LRRTM4: variants seen among roughly 807,000 people sequenced by gnomAD.
LRRTM4 encodes leucine rich repeat transmembrane neuronal 4.
LRRTM4 carries 25 observed loss-of-function variants against 47.6 expected under a neutral mutation model. The ratio of observed to expected loss-of-function variants is 0.53; its 90% confidence interval spans 0.38 to 0.73. LRRTM4 has a LOEUF of 0.73. Among genes scored for constraint, LRRTM4 ranks in the 30% least tolerant of loss-of-function variants. The pLI is 0.00. For synonymous variants in LRRTM4, 311 were observed against 269.5 expected (o/e 1.15, Z -1.51); for missense variants, 638 against 713.4 (o/e 0.89, Z 1.20).
At chr2:76,763,584 A>T (rs1170253600) in intron 3 of LRRTM4, among the ~76,000 whole-genome samples, 2 of 152,336 alleles carry the variant, frequency 1.3e-5, no homozygotes, top group Admixed American at 1.3e-4. Flanking sequence ...TAGCCTATGC[A>T]GATGAGTTAG....
chr2:77,002,359 T>A (rs1677463783), intron 3 of LRRTM4, among the ~76,000 whole-genome samples: 1 of 152,154 alleles, frequency 6.6e-6, no homozygotes, highest in African/African-American at 2.4e-5. Context: ...ATGTGGTAGA[T>A]GCCCAATTCT....
chr2:76,836,068 A>T (rs1270331848), intron 3 of LRRTM4, among the ~76,000 whole-genome samples: 4 of 151,950 alleles, frequency 2.6e-5, no homozygotes, highest in Non-Finnish European at 5.9e-5. Flanking sequence ...AAGTCAAAAT[A>T]ATCAGAATAC....
intron 3 of LRRTM4, among the ~76,000 whole-genome samples, chr2:77,467,814 A>C (rs2103985705): frequency 6.6e-6 from 1 of 152,340 alleles, no homozygotes; most frequent in African/African-American, 2.4e-5. Context: ...CAAGATCTTT[A>C]GAGAAGAAAC....
chr2:77,260,095 T>A (rs1675878000), intron 3 of LRRTM4, among the ~76,000 whole-genome samples: 2 of 152,078 alleles, frequency 1.3e-5, no homozygotes, highest in African/African-American at 4.8e-5. Flanking sequence ...ACTAGCAAGA[T>A]ACAATTCTGT....
intron 3 of LRRTM4, among the ~76,000 whole-genome samples, chr2:77,181,004 A>G (rs1440755614): frequency 2.0e-5 from 3 of 152,206 alleles, no homozygotes; most frequent in African/African-American, 7.2e-5. Flanking sequence ...TAAAAGATTT[A>G]GAAAAATAAA....
At chr2:77,227,922 A>G (rs1263138747) in intron 3 of LRRTM4, among the ~76,000 whole-genome samples, 1 of 152,090 alleles carries the variant, frequency 6.6e-6, no homozygotes, top group East Asian at 1.9e-4. Context: ...GAGATATCAT[A>G]AGACTAGTTT....
chr2:77,084,458 G>A (rs1275700311), intron 3 of LRRTM4, among the ~76,000 whole-genome samples: 1 of 152,188 alleles, frequency 6.6e-6, no homozygotes, highest in East Asian at 1.9e-4. Context: ...TGTTTACCAT[G>A]TTGTGTTCTT....
intron 3 of LRRTM4, among the ~76,000 whole-genome samples, chr2:77,335,962 A>C (rs1307165248): frequency 6.6e-6 from 1 of 152,094 alleles, no homozygotes; most frequent in African/African-American, 2.4e-5. Flanking sequence ...ACACAATACA[A>C]AAATGAATGG....
intron 3 of LRRTM4, among the ~76,000 whole-genome samples, chr2:77,435,771 A>C (rs1184876707): frequency 6.6e-6 from 1 of 152,214 alleles, no homozygotes. Flanking sequence ...AAAGCTGGAC[A>C]ACTAGGTCCT....
At chr2:77,443,322 G>A (rs569859328) in intron 3 of LRRTM4, among the ~76,000 whole-genome samples, 1 of 152,170 alleles carries the variant, frequency 6.6e-6, no homozygotes, top group African/African-American at 2.4e-5. Flanking sequence ...ATGTCAGATC[G>A]GATGCATATT....
chr2:77,220,249 A>G (rs1674580044), intron 3 of LRRTM4, among the ~76,000 whole-genome samples: 1 of 152,170 alleles, frequency 6.6e-6, no homozygotes, highest in African/African-American at 2.4e-5. Flanking sequence ...AACCACAAAG[A>G]TGGGGAAAAA....
intron 3 of LRRTM4, among the ~76,000 whole-genome samples, chr2:77,006,452 A>G (rs557623979): frequency 6.6e-6 from 1 of 152,166 alleles, no homozygotes; most frequent in East Asian, 1.9e-4. Flanking sequence ...CTTCCAGAAA[A>G]TTTTATTTTG....
chr2:77,202,483 C>T lies in LRRTM4; in HGVS notation c.1551+315835G>A, dbSNP rs116190315. Reference sequence around the variant, plus strand: ...CGTATATGTCTATAAATGTCCACGGCTTTCAGTTACTTCTTTGGAAGTGAT... The same window carrying T: ...CGTATATGTCTATAAATGTCCACGGTTTTCAGTTACTTCTTTGGAAGTGAT... On this transcript the variant is annotated intron_variant, in intron 3 of 3. Coordinates refer to ENST00000409884, the MANE Select transcript of LRRTM4 (RefSeq NM_001134745.3). 4.1e-3 allele frequency among the ~76,000 whole-genome samples: 625 copies of T among 152,122 alleles called. 2 individuals are homozygous for T. The highest frequency in any genetic ancestry group is 0.01 in the Middle Eastern group (3 of 294).
chr2:77,095,101 C>T (rs2103897269), intron 3 of LRRTM4, among the ~76,000 whole-genome samples: 1 of 152,180 alleles, frequency 6.6e-6, no homozygotes, highest in South Asian at 2.1e-4. Flanking sequence ...TAAAAGTGAG[C>T]AAAGGATCTG....
At chr2:76,833,281 C>A (rs1396932436) in intron 3 of LRRTM4, among the ~76,000 whole-genome samples, 1 of 152,038 alleles carries the variant, frequency 6.6e-6, no homozygotes, top group African/African-American at 2.4e-5. Flanking sequence ...GTGACTTATC[C>A]ATCTATATCC....
chr2:77,279,645 T>C (rs1026674171), intron 3 of LRRTM4, among the ~76,000 whole-genome samples: 2 of 151,972 alleles, frequency 1.3e-5, no homozygotes, highest in Admixed American at 6.6e-5. Flanking sequence ...AATGAAACCC[T>C]TCAGTCTATT....
chr2:76,829,958 A>G (rs1033033475), intron 3 of LRRTM4, among the ~76,000 whole-genome samples: 2 of 152,050 alleles, frequency 1.3e-5, no homozygotes, highest in African/African-American at 4.8e-5. Context: ...CTTTGGCAGT[A>G]TTCCACAACA....
At chr2:77,452,302 A>G (rs954137347) in intron 3 of LRRTM4, among the ~76,000 whole-genome samples, 3 of 152,158 alleles carry the variant, frequency 2.0e-5, no homozygotes, top group African/African-American at 4.8e-5. Flanking sequence ...AAGTTGACAA[A>G]CTCAGCATAT....
At chr2:76,881,716 A>C (rs1672935521) in intron 3 of LRRTM4, among the ~76,000 whole-genome samples, 1 of 152,090 alleles carries the variant, frequency 6.6e-6, no homozygotes, top group African/African-American at 2.4e-5. Context: ...AAAAAGTACC[A>C]AACTCTTCCT....
Sources: gnomAD v4.1 joint callset for allele counts (sites outside exome capture counted in the v4.1 genomes callset) on GRCh38, gnomAD v4.1.1 for gene constraint, MANE v1.5 for transcripts, NCBI Gene and HGNC (gene_info 2026-07-23, HGNC 2026-07-21) for gene names.